SLIT2: variants seen among roughly 807,000 people sequenced by gnomAD.
SLIT2 encodes slit guidance ligand 2.
Under a neutral mutation model 185.7 loss-of-function variants are expected in SLIT2, and 41 were observed. The observed-to-expected ratio is 0.22, with a 90% CI of 0.17 to 0.29. The LOEUF (loss-of-function observed/expected upper bound fraction) is 0.29, where lower values mean the gene tolerates loss of function less well. SLIT2 is among the 10% of genes least tolerant of loss of function. SLIT2 has a pLI of 1.00. For synonymous variants in SLIT2, 693 were observed against 680.2 expected (o/e 1.02, Z -0.29); for missense variants, 1,571 against 1,909.0 (o/e 0.82, Z 3.30).
At chr4:20,530,093 T>C (rs911884856) in intron 16 of SLIT2, among the ~76,000 whole-genome samples, 1 of 122,652 alleles carries the variant, frequency 8.2e-6, no homozygotes. Context: ...CTTGTAGTTA[T>C]AGTGATTTTT....
intron 5 of SLIT2, among the ~76,000 whole-genome samples, chr4:20,472,548 AT>A (rs1560455078): frequency 4.9e-5 from 1 of 20,270 alleles, no homozygotes; most frequent in Non-Finnish European, 7.7e-5. Flanking sequence ...ATCTATATCT[AT>A]ATATAGATAT....
Position 20,254,006 on chromosome 4 carries a change from C to A in SLIT2, c.179+12C>A. 2 of 1,597,040 alleles carry A rather than the reference C, an allele frequency of 1.3e-6. No individual in the cohort carries two copies. Among genetic ancestry groups the A allele is most frequent in the Non-Finnish European group, 1.7e-6 (2 of 1,175,822 alleles). On this transcript the variant is annotated intron_variant, in intron 1 of 36. Transcript: ENST00000504154. This position sits in a 1 kb window ranked among gnomAD's most constrained non-coding sequence, Gnocchi z 5.1. ...AACACCGAGAGACTGTGAGTATGCG[C>A]TCTTCGTCTTCCCCTCTCCCCATCC...
chr4:20,405,751 C>T (rs982503877), intron 4 of SLIT2, among the ~76,000 whole-genome samples: 4 of 151,822 alleles, frequency 2.6e-5, no homozygotes, highest in African/African-American at 9.7e-5. Context: ...AAAAAAAAAT[C>T]TCCATTTGGG....
rs1366590701 is a variant in SLIT2 at position 20,271,530 on chromosome 4, G to A, written c.395+2649G>A. ...ATAGCAAGCCATAGTTGCCCCTACTGTCTAATGCAGTAGAGGCATACTATA... is the reference window on the plus strand; with the variant it reads ...ATAGCAAGCCATAGTTGCCCCTACTATCTAATGCAGTAGAGGCATACTATA... On this transcript the variant is annotated intron_variant, in intron 4 of 36. Coordinates refer to ENST00000504154, the MANE Select transcript of SLIT2 (RefSeq NM_004787.4). 2.1e-5 allele frequency among the ~76,000 whole-genome samples: 3 copies of A among 145,156 alleles called. No individual in the cohort carries two copies. The East Asian group carries it at 6.0e-4, about 29-fold the overall frequency.
intron 29 of SLIT2, among the ~76,000 whole-genome samples, chr4:20,570,731 G>GTATATA (rs55841917): frequency 5.4e-4 from 68 of 125,538 alleles, no homozygotes; most frequent in South Asian, 3.5e-3. Flanking sequence ...ATATATATAT[G>GTATATA]TATATATATA....
intron 4 of SLIT2, among the ~76,000 whole-genome samples, chr4:20,324,571 G>A (rs1337009373): frequency 5.3e-5 from 8 of 152,252 alleles, no homozygotes; most frequent in East Asian, 1.9e-4. Flanking sequence ...GTTGTACAGC[G>A]TGATGACTAT....
intron 4 of SLIT2, among the ~76,000 whole-genome samples, chr4:20,357,517 C>T (rs1577493791): frequency 6.6e-6 from 1 of 152,038 alleles, no homozygotes; most frequent in African/African-American, 2.4e-5. Context: ...TATCACTGTG[C>T]ATGAGTTAAA....
At chr4:20,452,602 C>T (rs1272395174) in intron 4 of SLIT2, among the ~76,000 whole-genome samples, 1 of 152,136 alleles carries the variant, frequency 6.6e-6, no homozygotes, top group African/African-American at 2.4e-5. Flanking sequence ...CTCCCCATCA[C>T]CCTTTCTTTC....
At chr4:20,502,957 G>A (rs1047425520) in intron 9 of SLIT2, among the ~76,000 whole-genome samples, 3 of 152,050 alleles carry the variant, frequency 2.0e-5, no homozygotes, top group African/African-American at 7.2e-5. Context: ...ATTCCAAGAG[G>A]TGGCTCTAGT....
intron 4 of SLIT2, among the ~76,000 whole-genome samples, chr4:20,285,819 A>G: frequency 6.6e-6 from 1 of 152,192 alleles, no homozygotes; most frequent in South Asian, 2.1e-4. Context: ...AAGTGCTGGG[A>G]TTACAAGCAT....
At chr4:20,389,749 G>A (rs1173605693) in intron 4 of SLIT2, among the ~76,000 whole-genome samples, 5 of 152,136 alleles carry the variant, frequency 3.3e-5, no homozygotes, top group Admixed American at 6.6e-5. Flanking sequence ...AGGAGGTACA[G>A]ATGAGAGTTT....
intron 4 of SLIT2, among the ~76,000 whole-genome samples, chr4:20,271,394 AT>A (rs1022741408): frequency 1.7e-4 from 25 of 147,024 alleles, no homozygotes; most frequent in African/African-American, 5.2e-4. Flanking sequence ...TTTGACATTT[AT>A]ATAATATATA....
At chr4:20,510,866 T>C (rs959398070) in intron 10 of SLIT2, among the ~76,000 whole-genome samples, 200 bp from the exon 11 acceptor site, 10 of 152,186 alleles carry the variant, frequency 6.6e-5, no homozygotes, top group East Asian at 1.9e-4. Context: ...TAGCATCTTA[T>C]ATGGGAAAGT....
intron 4 of SLIT2, among the ~76,000 whole-genome samples, chr4:20,314,667 CA>C (rs1466353538): frequency 1.3e-5 from 2 of 151,898 alleles, no homozygotes; most frequent in Admixed American, 1.3e-4. Context: ...AAAAATAGGA[CA>C]GGATAAAAGT....
intron 4 of SLIT2, among the ~76,000 whole-genome samples, chr4:20,290,609 T>C (rs908406125): frequency 6.6e-6 from 1 of 152,178 alleles, no homozygotes; most frequent in Non-Finnish European, 1.5e-5. Context: ...TGATTACTTA[T>C]GAATACCCTT....
intron 20 of SLIT2, 105 bp from the exon 21 acceptor site, chr4:20,542,389 G>GT: frequency 1.9e-6 from 2 of 1,070,768 alleles, no homozygotes; most frequent in South Asian, 2.9e-5. Flanking sequence ...TGATTATGTA[G>GT]CTTAAGACTC....
chr4:20,514,787 TA>T (rs1189037148), intron 11 of SLIT2, among the ~76,000 whole-genome samples: 2 of 151,600 alleles, frequency 1.3e-5, no homozygotes, highest in Non-Finnish European at 2.9e-5. Flanking sequence ...CATTATCATT[TA>T]TTTTTATTAC....
intron 4 of SLIT2, among the ~76,000 whole-genome samples, chr4:20,272,728 A>G (rs760627588): frequency 6.6e-6 from 1 of 152,116 alleles, no homozygotes; most frequent in Non-Finnish European, 1.5e-5. Flanking sequence ...TTAGAAACTC[A>G]TTTTTCACTT....
intron 4 of SLIT2, among the ~76,000 whole-genome samples, chr4:20,453,872 G>A (rs948129762): frequency 6.6e-6 from 1 of 152,188 alleles, no homozygotes; most frequent in African/African-American, 2.4e-5. Context: ...CACATGAAGA[G>A]GTATAGGTAC....
Sources: gnomAD v4.1 joint callset for allele counts (sites outside exome capture counted in the v4.1 genomes callset) on GRCh38, gnomAD v4.1.1 for gene constraint, Gnocchi (gnomAD v3.1) non-coding constraint, MANE v1.5 for transcripts, NCBI Gene and HGNC (gene_info 2026-07-23, HGNC 2026-07-21) for gene names.